AGO3: variants seen among roughly 807,000 people sequenced by gnomAD.
AGO3 encodes the protein argonaute RISC catalytic component 3.
Under a neutral mutation model 105.5 loss-of-function variants are expected in AGO3, and 16 were observed. The ratio of observed to expected loss-of-function variants is 0.15; its 90% CI spans 0.10 to 0.23. The LOEUF (loss-of-function observed/expected upper bound fraction) is 0.23. Among genes scored for constraint, AGO3 ranks in the 10% least tolerant of loss-of-function variants. The pLI, the probability that AGO3 is intolerant of heterozygous loss-of-function variation, is 1.00. For synonymous variants in AGO3, 340 were observed against 367.3 expected, an observed-to-expected ratio of 0.93 and a Z score of 0.85; for missense variants, 534 against 1,088.0, an observed-to-expected ratio of 0.49 and a Z score of 7.16.
intron 3 of AGO3, among the ~76,000 whole-genome samples, chr1:35,970,836 CCTA>C: frequency 6.6e-6 from 1 of 151,522 alleles, no homozygotes; most frequent in Non-Finnish European, 1.5e-5. Context: ...CTCAAACGAT[CCTA>C]CTGCCTCAGC....
chr1:36,009,498 A>G lies in AGO3; in HGVS notation c.1053A>G (p.Gln351=), dbSNP rs1341941911. Residue 351 remains glutamine, a synonymous_variant, in exon 9 of 19, where the codon CAA becomes CAG. Transcript: ENST00000373191. ...AGGTCTGTAATATTGTGGCAGGGCAACGATGTATCAAGAAGCTAACAGACA... is the reference window on the plus strand; with the variant it reads ...AGGTCTGTAATATTGTGGCAGGGCAGCGATGTATCAAGAAGCTAACAGACA... ...PLEVCNIVAG[Q]RCIKKLTDNQ... 7 of 1,613,716 alleles carry G rather than the reference A, an allele frequency of 4.3e-6. No homozygotes were observed. In the African/African-American group the frequency reaches 6.7e-5, roughly 15 times the overall value.
Position 36,055,344 on chromosome 1 carries a change from C to G in AGO3, c.2474+199C>G. The G allele has an allele frequency of 1.6e-6, 1 of 629,204 alleles. No homozygotes were observed. The highest frequency in any genetic ancestry group is 2.7e-6 in the Non-Finnish European group (1 of 363,880). The allele number at this position is 629,204 out of a possible 1,614,324, so 39.0% of individuals were successfully genotyped here. A position where few individuals can be genotyped will look rare whatever the true frequency, so the allele number is the denominator to read the frequency against. ...ATCATGTAGTAACTTAGTTGTTTTA[C>G]TACATTAATTCAAAGGAGAGATTAT... On this transcript the variant is annotated intron_variant, in intron 18 of 18. Transcript: ENST00000373191. The surrounding 1 kb of genome is among the most constrained non-coding windows in gnomAD (Gnocchi z 4.4).
rs1486120401 is a variant in AGO3 at position 36,003,710 on chromosome 1, ATATATAT to A, written c.659-630_659-624del. On this transcript the variant is annotated intron_variant, in intron 5 of 18. Transcript: ENST00000373191. Reference sequence around the variant, plus strand: ...AGTCTGTCTCAAAAAAAAAAAAAAAATATATATATATATATATATATATATATATGTA... The same window carrying A: ...AGTCTGTCTCAAAAAAAAAAAAAAAAATATATATATATATATATATATGTA... Among the ~76,000 whole-genome samples, 665 of 79,280 alleles carry A rather than the reference ATATATAT, an allele frequency of 8.4e-3. 7 individuals carry two copies. The highest frequency in any genetic ancestry group is 0.012 in the South Asian group (28 of 2,268). The allele number at this position is 79,280 out of a possible 152,430, so 52.0% of individuals were successfully genotyped here. A position where few individuals can be genotyped will look rare whatever the true frequency, so the allele number is the denominator to read the frequency against.
In AGO3 at chr1:36,060,558, G is replaced by A. The variant is rs557309787; in HGVS notation, c.*4813G>A. 14 of 152,326 alleles carry A rather than the reference G, an allele frequency of 9.2e-5. No individual in the cohort carries two copies. The highest frequency in any genetic ancestry group is 3.4e-4 in the African/African-American group (14 of 41,578). 9.4% of individuals were successfully genotyped at this position (152,326 alleles called of 1,614,324 possible). The stretch of plus-strand genomic sequence containing the variant: ...AACGACTTCGATACAGCTAGAATAT[G>A]TTGCAGTCTTCCTATTTCAAACTTG... On this transcript the variant is annotated 3_prime_UTR_variant, in exon 19 of 19. Transcript: ENST00000373191.
chr1:35,973,003 G>A (rs1285684115), intron 4 of AGO3, among the ~76,000 whole-genome samples: 1 of 148,322 alleles, frequency 6.7e-6, no homozygotes, highest in Non-Finnish European at 1.5e-5. Flanking sequence ...GACTCAGTAT[G>A]TTTTTTTTTA....
intron 3 of AGO3, among the ~76,000 whole-genome samples, chr1:35,970,350 C>T (rs578216550): frequency 2.1e-4 from 32 of 152,130 alleles, no homozygotes; most frequent in Non-Finnish European, 3.7e-4. Context: ...AATTCTAGTC[C>T]GTGCCTCATG....
chr1:36,050,327 A>C (rs1642655343), intron 17 of AGO3, among the ~76,000 whole-genome samples: 1 of 151,930 alleles, frequency 6.6e-6, no homozygotes, highest in South Asian at 2.1e-4. Flanking sequence ...CTCTACTAAA[A>C]ATACAAAAAT....
chr1:35,944,784 G>A (rs572088489), intron 1 of AGO3, among the ~76,000 whole-genome samples: 3 of 151,834 alleles, frequency 2.0e-5, no homozygotes, highest in Non-Finnish European at 4.4e-5. Flanking sequence ...GATTGCAGAC[G>A]TGAGGCACTG....
At chr1:35,949,454 G>T (rs1646429696) in intron 2 of AGO3, among the ~76,000 whole-genome samples, 1 of 152,078 alleles carries the variant, frequency 6.6e-6, no homozygotes, top group Non-Finnish European at 1.5e-5. Flanking sequence ...AATTGATGTG[G>T]TGGCTCAGTT....
chr1:35,963,763 A>G (rs1646721087), intron 2 of AGO3, among the ~76,000 whole-genome samples: 1 of 152,154 alleles, frequency 6.6e-6, no homozygotes, highest in African/African-American at 2.4e-5. Flanking sequence ...GGTAATCGGG[A>G]ATGGAAAGTA....
intron 5 of AGO3, among the ~76,000 whole-genome samples, chr1:35,976,996 G>C (rs1646966763): frequency 6.6e-6 from 1 of 151,502 alleles, no homozygotes; most frequent in Non-Finnish European, 1.5e-5. Context: ...GCCGTTTTTT[G>C]TTTGGTTTGG....
intron 17 of AGO3, among the ~76,000 whole-genome samples, chr1:36,044,082 C>T (rs1569919955): frequency 6.6e-6 from 1 of 152,194 alleles, no homozygotes; most frequent in African/African-American, 2.4e-5. Flanking sequence ...TGGTGGCTCA[C>T]GCCTATAATT....
intron 5 of AGO3, among the ~76,000 whole-genome samples, chr1:35,978,787 G>A (rs1476619265): frequency 6.6e-6 from 1 of 152,178 alleles, no homozygotes; most frequent in East Asian, 1.9e-4. Context: ...ATTTTAGCTA[G>A]ATTAGTAACA....
At chr1:35,950,716 T>C (rs1427381961) in intron 2 of AGO3, among the ~76,000 whole-genome samples, 2 of 152,222 alleles carry the variant, frequency 1.3e-5, no homozygotes, top group Admixed American at 1.3e-4. Flanking sequence ...CAAATATTTT[T>C]TAGAAACATT....
chr1:35,952,044 C>T (rs1341982368), intron 2 of AGO3, among the ~76,000 whole-genome samples: 1 of 151,872 alleles, frequency 6.6e-6, no homozygotes, highest in African/African-American at 2.4e-5. Context: ...CCCATTAGTC[C>T]CTCCCCACAG....
intron 11 of AGO3, among the ~76,000 whole-genome samples, chr1:36,018,355 T>A (rs1325433421): frequency 1.3e-5 from 2 of 151,260 alleles, no homozygotes; most frequent in African/African-American, 4.8e-5. Flanking sequence ...GCAAAAAAGG[T>A]ACCATTAAAA....
chr1:35,964,828 A>G (rs190007095), intron 2 of AGO3, among the ~76,000 whole-genome samples: 3 of 152,254 alleles, frequency 2.0e-5, no homozygotes, highest in Admixed American at 6.5e-5. Flanking sequence ...TCTGACTGGC[A>G]TGAGATGGTA....
At chr1:35,996,584 A>G (rs1639833566) in intron 5 of AGO3, among the ~76,000 whole-genome samples, 1 of 152,056 alleles carries the variant, frequency 6.6e-6, no homozygotes, top group Admixed American at 6.6e-5. Flanking sequence ...CAGCCCAACC[A>G]ACATGGCGAA....
In AGO3 at chr1:36,034,196, C is replaced by A; in HGVS notation, c.1614C>A (p.Asp538Glu). 6.3e-7 allele frequency: 1 copy of A among 1,581,206 alleles called. No homozygotes were observed. Among genetic ancestry groups the A allele is most frequent in the Admixed American group, 1.8e-5 (1 of 55,032 alleles). ...PVYAEVKRVG[D>E]TLLGMATQCV... The stretch of plus-strand genomic sequence containing the variant: ...TAGCGGAAGTGAAACGTGTAGGAGA[C>A]ACACTTTTGGGTATGGCTACACAAT... The change falls in exon 13 of 19, where the codon GAC becomes GAA. Residue 538 changes from aspartate to glutamate, a missense_variant. By Grantham distance (45) the Asp-to-Glu change is conservative. Transcript: ENST00000373191.
Sources: gnomAD v4.1 joint callset for allele counts (sites outside exome capture counted in the v4.1 genomes callset) on GRCh38, gnomAD v4.1.1 for gene constraint, Gnocchi (gnomAD v3.1) non-coding constraint, MANE v1.5 for transcripts, NCBI Gene and HGNC (gene_info 2026-07-23, HGNC 2026-07-21) for gene names.